HMCN1: variants seen among roughly 807,000 people sequenced by gnomAD.
HMCN1 encodes hemicentin 1.
In HMCN1, 321 loss-of-function variants were observed where a neutral mutation model predicts 625.9. The ratio of observed to expected loss-of-function variants is 0.51; its 90% CI spans 0.47 to 0.56. HMCN1 has a LOEUF of 0.56. HMCN1 is among the 20% of genes least tolerant of loss of function. The pLI is 0.00. For synonymous variants in HMCN1, 2,425 were observed against 2,417.6 expected (o/e 1.00, Z -0.09); for missense variants, 6,588 against 6,887.3 (o/e 0.96, Z 1.54).
intron 4 of HMCN1, among the ~76,000 whole-genome samples, chr1:185,885,965 A>T (rs1165264129): frequency 2.0e-5 from 3 of 152,102 alleles, no homozygotes; most frequent in Non-Finnish European, 4.4e-5. Flanking sequence ...TTTTGTAGAC[A>T]TTCTATAAGG....
At chr1:186,023,288 G>A (rs1417787696) in intron 36 of HMCN1, 135 bp downstream of exon 36, 6 of 526,910 alleles carry the variant, frequency 1.1e-5, no homozygotes, top group Middle Eastern at 5.2e-4. Context: ...AAAACCTAGG[G>A]TTTTTTTTTT....
chr1:186,119,430 G>A, intron 78 of HMCN1, 132 bp downstream of exon 78: 1 of 784,168 alleles, frequency 1.3e-6, no homozygotes, highest in Admixed American at 2.0e-5. Context: ...ATGAAAGCCT[G>A]GTAGATACTT....
intron 1 of HMCN1, among the ~76,000 whole-genome samples, chr1:185,746,130 G>T (rs1654377720): frequency 6.6e-6 from 1 of 152,212 alleles, no homozygotes; most frequent in African/African-American, 2.4e-5. Context: ...AGTTTTACTG[G>T]AGTTGTGGAG....
rs1664311757 is a variant in HMCN1 at position 185,881,526 on chromosome 1, A to G, written c.621+15663A>G. ...GCACAGGACGGGGTAGGGTGGAGCC[A>G]TGGGTGGTTTAGGAAAGGACAACAT... On this transcript the variant is annotated intron_variant, in intron 4 of 106. Transcript: ENST00000271588. 4.6e-5 allele frequency among the ~76,000 whole-genome samples: 7 copies of G among 152,126 alleles called. No individual in the cohort carries two copies. The South Asian group carries it at 1.5e-3, about 32-fold the overall frequency.
At chr1:185,932,422 C>T (rs936322564) in intron 10 of HMCN1, among the ~76,000 whole-genome samples, 1 of 152,152 alleles carries the variant, frequency 6.6e-6, no homozygotes, top group Non-Finnish European at 1.5e-5. Flanking sequence ...AAAGTTTGAT[C>T]TTGAATATTT....
At chr1:185,941,910 G>T (rs1303884781) in intron 11 of HMCN1, among the ~76,000 whole-genome samples, 1 of 152,092 alleles carries the variant, frequency 6.6e-6, no homozygotes, top group East Asian at 1.9e-4. Flanking sequence ...AGACAAAAAA[G>T]GACTGGGTGT....
chr1:185,902,705 T>C (rs956979073), intron 4 of HMCN1, among the ~76,000 whole-genome samples: 1 of 151,672 alleles, frequency 6.6e-6, no homozygotes, highest in South Asian at 2.1e-4. Context: ...GGGGTTGTTT[T>C]TGTTACTCGT....
chr1:185,789,423 C>T (rs778709831), intron 1 of HMCN1, among the ~76,000 whole-genome samples: 11 of 152,176 alleles, frequency 7.2e-5, no homozygotes, highest in Non-Finnish European at 1.5e-4. Flanking sequence ...ACTGATGTGC[C>T]TCCTAATTAC....
chr1:185,856,296 C>T (rs1276068873), intron 2 of HMCN1, among the ~76,000 whole-genome samples: 2 of 152,014 alleles, frequency 1.3e-5, no homozygotes, highest in Non-Finnish European at 2.9e-5. Flanking sequence ...TGAGACCAGC[C>T]TGGCCAACCT....
chr1:186,093,227 A>G lies in HMCN1; in HGVS notation c.9981A>G (p.Glu3327=), dbSNP rs1024339207. The change falls in exon 65 of 107, where the codon GAA becomes GAG. Residue 3327 remains glutamate, a synonymous_variant. Transcript: ENST00000271588. The part of the protein sequence containing the change: ...YTCVATNPAG[E]EDRIFNLNVY... ...GTGTTGCTACTAATCCCGCTGGAGA[A>G]GAAGACCGAATTTTTAACTTGAATG... The G allele has an allele frequency of 6.2e-7, 1 of 1,613,310 alleles. No individual in the cohort carries two copies.
chr1:186,107,718 T>C (rs535002863), intron 70 of HMCN1, among the ~76,000 whole-genome samples: 23 of 152,264 alleles, frequency 1.5e-4, no homozygotes, highest in Admixed American at 1.2e-3. Context: ...TGTTAGCCCA[T>C]TCCCTTTATT....
chr1:186,064,977 A>G (rs1658012457), intron 48 of HMCN1, among the ~76,000 whole-genome samples: 1 of 152,150 alleles, frequency 6.6e-6, no homozygotes, highest in Non-Finnish European at 1.5e-5. Context: ...CATGAAGGTC[A>G]ATTTAGAATC....
intron 94 of HMCN1, 100 bp downstream of exon 94, chr1:186,151,449 G>T (rs1173879283): frequency 7.6e-7 from 1 of 1,320,738 alleles, no homozygotes; most frequent in Admixed American, 1.8e-5. Context: ...TAACTCATAA[G>T]TATGGTAAGC....
At position 185,762,200 on chromosome 1, in the gene HMCN1, T is replaced by C. The variant is rs146857836; in HGVS notation, c.268+27153T>C. ...TCTGCCTGGAAAGGAATAACTGACA[T>C]TGTCATTACTTTTCAAAGGGGGCTG... On this transcript the variant is annotated intron_variant, in intron 1 of 106. Coordinates refer to ENST00000271588, the MANE Select transcript of HMCN1 (RefSeq NM_031935.3). 1.0e-3 allele frequency among the ~76,000 whole-genome samples: 156 copies of C among 152,316 alleles called. 3 individuals carry two copies. In the East Asian group the frequency reaches 0.028, roughly 28 times the overall value.
chr1:185,977,773 G>A lies in HMCN1; in HGVS notation c.2372-14G>A, dbSNP rs1267746969. ...TATACCGATGACTTATTTGTTGTTT[G>A]TAATGTCTTCCAGCACCTCCAGTTT... On this transcript the variant is annotated splice_polypyrimidine_tract_variant and intron_variant, in intron 15 of 106. Transcript: ENST00000271588. The A allele has an allele frequency of 3.8e-6, 6 of 1,585,520 alleles. No homozygotes were observed. Among genetic ancestry groups the A allele is most frequent in the African/African-American group, 1.3e-5 (1 of 74,390 alleles).
intron 1 of HMCN1, 24 bp downstream of exon 1, chr1:185,735,071 T>C (rs1343018777): frequency 1.2e-6 from 2 of 1,609,778 alleles, no homozygotes; most frequent in Non-Finnish European, 1.7e-6. Flanking sequence ...TTATACTTTG[T>C]CTTTGCTATG....
At chr1:186,014,673 C>A (rs563529900) in intron 30 of HMCN1, among the ~76,000 whole-genome samples, 3 of 151,682 alleles carry the variant, frequency 2.0e-5, no homozygotes, top group African/African-American at 4.8e-5. Context: ...CACCTCCCCC[C>A]CAAAAAAAGA....
intron 60 of HMCN1, 25 bp from the exon 61 acceptor site, chr1:186,087,907 A>T (rs1265727617): frequency 1.3e-6 from 2 of 1,586,548 alleles, no homozygotes; most frequent in Non-Finnish European, 1.7e-6. Flanking sequence ...AATGGAGCAC[A>T]TACAATAGTA....
At chr1:186,167,896 T>C (rs1558276797) in intron 100 of HMCN1, among the ~76,000 whole-genome samples, 1 of 152,130 alleles carries the variant, frequency 6.6e-6, no homozygotes, top group Non-Finnish European at 1.5e-5. Context: ...GACATCTCAA[T>C]TGCCTCCAAG....
Sources: gnomAD v4.1 joint callset for allele counts (sites outside exome capture counted in the v4.1 genomes callset) on GRCh38, gnomAD v4.1.1 for gene constraint, MANE v1.5 for transcripts, NCBI Gene and HGNC (gene_info 2026-07-23, HGNC 2026-07-21) for gene names.